Variants in PCSK6 observed in about 807,000 individuals in gnomAD.
PCSK6 encodes proprotein convertase subtilisin/kexin type 6, also known as paired basic amino acid cleaving enzyme 4.
In PCSK6, 85 loss-of-function variants were observed where a neutral mutation model predicts 123.3. The ratio of observed to expected loss-of-function variants is 0.69; its 90% CI spans 0.58 to 0.83. The LOEUF (loss-of-function observed/expected upper bound fraction) is 0.83. PCSK6 is among the 40% of genes least tolerant of loss of function. The pLI, the probability that PCSK6 is intolerant of heterozygous loss-of-function variation, is 0.00. For missense variants in PCSK6, 1,191 were observed against 1,282.3 expected, an observed-to-expected ratio of 0.93 and a Z score of 1.09; for synonymous variants, 508 against 516.0, an observed-to-expected ratio of 0.98 and a Z score of 0.21.
intron 13 of PCSK6, among the ~76,000 whole-genome samples, chr15:101,352,637 G>A (rs971089596): frequency 6.6e-6 from 1 of 151,970 alleles, no homozygotes; most frequent in Non-Finnish European, 1.5e-5. Context: ...TCCCTTGATC[G>A]GTCTATTCCA....
chr15:101,420,352 C>G (rs1321822050), intron 6 of PCSK6, among the ~76,000 whole-genome samples: 1 of 152,040 alleles, frequency 6.6e-6, no homozygotes, highest in Non-Finnish European at 1.5e-5. Flanking sequence ...ACAAATGTGA[C>G]ATCATAAGAA....
chr15:101,363,929 C>T (rs138149043), intron 13 of PCSK6, among the ~76,000 whole-genome samples: 28 of 152,166 alleles, frequency 1.8e-4, no homozygotes, highest in East Asian at 1.7e-3. Flanking sequence ...TGAGCCACCG[C>T]GCCCAGCCAA....
At chr15:101,337,742 C>T (rs2040514199) in intron 13 of PCSK6, among the ~76,000 whole-genome samples, 1 of 152,200 alleles carries the variant, frequency 6.6e-6, no homozygotes, top group African/African-American at 2.4e-5. Flanking sequence ...TTGTTTGGTG[C>T]ATTAGCTTCA....
chr15:101,368,293 G>T (rs2041460708), intron 12 of PCSK6, among the ~76,000 whole-genome samples: 1 of 152,218 alleles, frequency 6.6e-6, no homozygotes, highest in Admixed American at 6.5e-5. Context: ...GCGGGAGAGG[G>T]GAGGCTGGGG....
intron 15 of PCSK6, among the ~76,000 whole-genome samples, chr15:101,328,363 A>T (rs977101223): frequency 3.9e-5 from 6 of 152,192 alleles, no homozygotes; most frequent in African/African-American, 1.4e-4. Context: ...CTAGACACGG[A>T]ATGGGAGACG....
intron 1 of PCSK6, among the ~76,000 whole-genome samples, chr15:101,457,002 T>C (rs2057201656): frequency 6.6e-6 from 1 of 151,978 alleles, no homozygotes; most frequent in Non-Finnish European, 1.5e-5. Flanking sequence ...TGAAACCCCG[T>C]CTCTACCAAA....
At chr15:101,475,232 A>T (rs1352651701) in intron 1 of PCSK6, among the ~76,000 whole-genome samples, 5 of 152,220 alleles carry the variant, frequency 3.3e-5, no homozygotes, top group African/African-American at 1.2e-4. Context: ...AATTACACTG[A>T]GTGACGAGCC....
intron 13 of PCSK6, chr15:101,336,938 G>A (rs997377635): frequency 2.6e-5 from 4 of 152,132 alleles, no homozygotes; most frequent in African/African-American, 9.7e-5. Flanking sequence ...TTTCTAATAG[G>A]TGCGATTTGT....
chr15:101,426,416 G>C (rs115185057), intron 6 of PCSK6, among the ~76,000 whole-genome samples: 1 of 152,200 alleles, frequency 6.6e-6, no homozygotes, highest in Admixed American at 6.5e-5. Context: ...CTGGAGAGAC[G>C]TCTCAGGGCT....
intron 11 of PCSK6, 66 bp downstream of exon 11, chr15:101,382,026 C>G (rs2041921704): frequency 9.0e-7 from 1 of 1,109,398 alleles, no homozygotes; most frequent in African/African-American, 1.5e-5. Context: ...CCAGCCACAC[C>G]TTACAACAGA....
At chr15:101,326,882 C>T (rs1024590324) in intron 15 of PCSK6, among the ~76,000 whole-genome samples, 13 of 152,196 alleles carry the variant, frequency 8.5e-5, no homozygotes, top group Admixed American at 2.6e-4. Flanking sequence ...TTGACTTCCA[C>T]GTGGAGGACA....
At chr15:101,322,707 T>C in intron 17 of PCSK6, 100 bp from the exon 18 acceptor site, 1 of 750,180 alleles carries the variant, frequency 1.3e-6, no homozygotes, top group Non-Finnish European at 2.3e-6. Context: ...GGGGTGCGGG[T>C]GGGCTGTTCC....
At chr15:101,372,297 C>T (rs541883000) in intron 11 of PCSK6, among the ~76,000 whole-genome samples, 20 of 152,338 alleles carry the variant, frequency 1.3e-4, no homozygotes, top group Middle Eastern at 3.4e-3. Flanking sequence ...ACTCTCCTCC[C>T]GGGAGGCATG....
chr15:101,318,248 T>C, intron 19 of PCSK6, 71 bp downstream of exon 19: 1 of 1,143,850 alleles, frequency 8.7e-7, no homozygotes, highest in East Asian at 2.6e-5. Context: ...CCTAGGGCTT[T>C]CTCGGGTTCA....
At chr15:101,411,272 T>A (rs182147635) in intron 6 of PCSK6, among the ~76,000 whole-genome samples, 3 of 151,508 alleles carry the variant, frequency 2.0e-5, no homozygotes, top group Admixed American at 1.3e-4. Flanking sequence ...GGCCTCGGAG[T>A]AAGGAGCTAG....
intron 2 of PCSK6, among the ~76,000 whole-genome samples, chr15:101,440,969 C>T (rs541253997): frequency 6.6e-6 from 1 of 152,080 alleles, no homozygotes; most frequent in Non-Finnish European, 1.5e-5. Context: ...GTGTGCTTTC[C>T]CTGGGGCTAA....
chr15:101,391,661 A>G (rs1352459896), intron 8 of PCSK6, among the ~76,000 whole-genome samples: 1 of 152,226 alleles, frequency 6.6e-6, no homozygotes, highest in Non-Finnish European at 1.5e-5. Flanking sequence ...ATGCAGGCGG[A>G]CAGGGTTGTG....
chr15:101,314,225 G>T (rs1596169904), intron 19 of PCSK6, among the ~76,000 whole-genome samples: 1 of 152,198 alleles, frequency 6.6e-6, no homozygotes, highest in South Asian at 2.1e-4. Context: ...AAAGGGCCAC[G>T]AGTCATGGAG....
At chr15:101,454,814 G>T (rs8029414) in intron 1 of PCSK6, among the ~76,000 whole-genome samples, 1 of 152,058 alleles carries the variant, frequency 6.6e-6, no homozygotes, top group African/African-American at 2.4e-5. Flanking sequence ...GTATGGTGGC[G>T]TGCACCTGTA....
Sources: gnomAD v4.1 joint callset for allele counts (sites outside exome capture counted in the v4.1 genomes callset) on GRCh38, gnomAD v4.1.1 for gene constraint, MANE v1.5 for transcripts, NCBI Gene and HGNC (gene_info 2026-07-23, HGNC 2026-07-21) for gene names.